The following MARCHF1 variants were observed in gnomAD, a reference collection of about 807,000 sequenced individuals.
MARCHF1 encodes membrane associated ring-CH-type finger 1, also known as E3 ubiquitin-protein ligase MARCHF1.
In MARCHF1, 40 loss-of-function variants were observed where a neutral mutation model predicts 54.2. That is an observed-to-expected ratio of 0.74 (90% CI 0.57 to 0.96). MARCHF1 has a LOEUF of 0.96. Among genes scored for constraint, MARCHF1 ranks in the 40% least tolerant of loss-of-function variants. The pLI is 0.00. For synonymous variants in MARCHF1, 236 were observed against 236.3 expected (o/e 1.00, Z 0.01); for missense variants, 586 against 656.5 (o/e 0.89, Z 1.17).
intron 5 of MARCHF1, among the ~76,000 whole-genome samples, chr4:163,619,718 C>G (rs771904932): frequency 4.0e-5 from 6 of 151,296 alleles, no homozygotes; most frequent in Non-Finnish European, 8.8e-5. Context: ...GAATGTAAAC[C>G]TGAGTCTACT....
intron 1 of MARCHF1, among the ~76,000 whole-genome samples, chr4:164,151,059 A>G (rs1729922267): frequency 6.6e-6 from 1 of 152,192 alleles, no homozygotes; most frequent in Admixed American, 6.5e-5. Flanking sequence ...TGGAAAAGGA[A>G]AGGAGATAGA....
intron 2 of MARCHF1, among the ~76,000 whole-genome samples, chr4:164,033,849 T>G (rs1282509871): frequency 7.2e-5 from 11 of 152,310 alleles, no homozygotes; most frequent in Non-Finnish European, 1.5e-4. Context: ...GTTCAACCAT[T>G]GTGGAAGACA....
intron 1 of MARCHF1, among the ~76,000 whole-genome samples, chr4:164,247,646 A>G (rs1369837443): frequency 1.3e-5 from 2 of 151,318 alleles, no homozygotes; most frequent in African/African-American, 4.9e-5. Context: ...AAGAAAGTAA[A>G]AAAAAAAAAA....
intron 4 of MARCHF1, among the ~76,000 whole-genome samples, chr4:163,850,213 G>A (rs1013128894): frequency 6.6e-6 from 1 of 152,164 alleles, no homozygotes; most frequent in Non-Finnish European, 1.5e-5. Context: ...TATAAAAATA[G>A]AGAAGTGCAC....
intron 1 of MARCHF1, among the ~76,000 whole-genome samples, chr4:164,182,220 T>C (rs1011540456): frequency 6.6e-6 from 1 of 152,120 alleles, no homozygotes; most frequent in African/African-American, 2.4e-5. Context: ...CATAGTGTAA[T>C]CGGAGCCTGA....
chr4:164,220,773 T>A (rs115828186), intron 1 of MARCHF1, among the ~76,000 whole-genome samples: 5,144 of 88,018 alleles, frequency 0.058, 270 homozygotes, highest in African/African-American at 0.15. Context: ...TATGATATAT[T>A]TTTTTTTGGA....
At position 163,728,213 on chromosome 4, in the gene MARCHF1, C is replaced by G. The variant is rs547122374; in HGVS notation, c.112-27350G>C. Among the ~76,000 whole-genome samples the G allele has an allele frequency of 2.0e-5, 3 of 152,206 alleles. No individual in the cohort carries two copies. The South Asian group carries it at 6.2e-4, about 32-fold the overall frequency. On this transcript the variant is annotated intron_variant, in intron 4 of 9. Coordinates refer to ENST00000514618, the MANE Select transcript of MARCHF1 (RefSeq NM_001394959.1). ...ACAGGTTGTGCCACAATTTTTATCACCCCCTTTTTTTATTACTGTCTTGAT... is the reference window on the plus strand; with the variant it reads ...ACAGGTTGTGCCACAATTTTTATCAGCCCCTTTTTTTATTACTGTCTTGAT...
intron 3 of MARCHF1, among the ~76,000 whole-genome samples, chr4:163,899,575 G>C (rs1750892420): frequency 6.6e-6 from 1 of 152,024 alleles, no homozygotes; most frequent in Non-Finnish European, 1.5e-5. Flanking sequence ...CTTCTTGGCT[G>C]ATATCAACAG....
intron 2 of MARCHF1, among the ~76,000 whole-genome samples, chr4:164,104,135 C>T (rs1259396376): frequency 1.3e-5 from 2 of 148,780 alleles, no homozygotes; most frequent in Non-Finnish European, 3.0e-5. Context: ...AGCTTACCAA[C>T]CAAAAAGAGT....
At chr4:163,851,324 C>G (rs1749635688) in intron 4 of MARCHF1, among the ~76,000 whole-genome samples, 1 of 152,142 alleles carries the variant, frequency 6.6e-6, no homozygotes, top group African/African-American at 2.4e-5. Flanking sequence ...GATTGGGAGA[C>G]TTTATAATGT....
At chr4:164,260,943 A>G (rs894537980) in intron 1 of MARCHF1, among the ~76,000 whole-genome samples, 7 of 152,222 alleles carry the variant, frequency 4.6e-5, no homozygotes, top group African/African-American at 1.7e-4. Flanking sequence ...TTTGGAAGCT[A>G]TGTTGTTGAA....
At chr4:163,654,156 A>G (rs950696092) in intron 5 of MARCHF1, among the ~76,000 whole-genome samples, 3 of 151,500 alleles carry the variant, frequency 2.0e-5, no homozygotes, top group Non-Finnish European at 4.4e-5. Context: ...ATGGTGACAT[A>G]AACACTAATA....
intron 8 of MARCHF1, among the ~76,000 whole-genome samples, chr4:163,558,497 T>C (rs1334050417): frequency 6.6e-6 from 1 of 152,128 alleles, no homozygotes; most frequent in Non-Finnish European, 1.5e-5. Context: ...AACTTGGTCA[T>C]TGCTGAAGTG....
At chr4:163,930,001 T>A (rs1235223633) in intron 3 of MARCHF1, among the ~76,000 whole-genome samples, 1 of 132,842 alleles carries the variant, frequency 7.5e-6, no homozygotes, top group Non-Finnish European at 1.6e-5. Context: ...TAATATATTA[T>A]ATATAAATAT....
intron 4 of MARCHF1, among the ~76,000 whole-genome samples, chr4:163,748,964 C>T (rs559409055): frequency 3.3e-5 from 5 of 152,310 alleles, no homozygotes; most frequent in South Asian, 2.1e-4. Flanking sequence ...TTCATGTGAA[C>T]GTGTAAGGGT....
At chr4:164,352,175 G>A (rs1164071641) in intron 1 of MARCHF1, among the ~76,000 whole-genome samples, 1 of 124,400 alleles carries the variant, frequency 8.0e-6, no homozygotes, top group African/African-American at 2.7e-5. Context: ...GAACCAAGTT[G>A]GAAAACACTC....
chr4:164,081,836 G>T (rs1204379337), intron 2 of MARCHF1, among the ~76,000 whole-genome samples: 3 of 152,078 alleles, frequency 2.0e-5, no homozygotes, highest in African/African-American at 4.8e-5. Context: ...TTTGCCTTTG[G>T]CTTCTCCCTA....
chr4:164,369,808 G>C (rs1047137711), intron 1 of MARCHF1, among the ~76,000 whole-genome samples: 1 of 151,944 alleles, frequency 6.6e-6, no homozygotes, highest in Non-Finnish European at 1.5e-5. Context: ...CACACAACAC[G>C]AACATCTATC....
chr4:163,980,390 G>A (rs948909233), intron 3 of MARCHF1, among the ~76,000 whole-genome samples: 4 of 143,220 alleles, frequency 2.8e-5, no homozygotes, highest in African/African-American at 5.2e-5. Context: ...AGATTTAAAC[G>A]TTAGACCTAA....
Sources: gnomAD v4.1 joint callset for allele counts (sites outside exome capture counted in the v4.1 genomes callset) on GRCh38, gnomAD v4.1.1 for gene constraint, MANE v1.5 for transcripts, NCBI Gene and HGNC (gene_info 2026-07-23, HGNC 2026-07-21) for gene names.